MRPL48: variants seen among roughly 807,000 people sequenced by gnomAD.
MRPL48 encodes the protein mitochondrial ribosomal protein L48.
Under a neutral mutation model 32.9 loss-of-function variants are expected in MRPL48, and 16 were observed. The ratio of observed to expected loss-of-function variants is 0.49; its 90% CI spans 0.33 to 0.74. The LOEUF (loss-of-function observed/expected upper bound fraction) is 0.74. Among genes scored for constraint, MRPL48 ranks in the 30% least tolerant of loss-of-function variants. The probability of loss-of-function intolerance (pLI) is 0.02; values close to 1 mark genes in which losing one functional copy is unlikely to be tolerated. For missense variants in MRPL48, 206 were observed against 245.3 expected (o/e 0.84, Z 1.07); for synonymous variants, 94 against 89.2 (o/e 1.05, Z -0.31).
chr11:73,819,266 A>G (rs930940698), intron 3 of MRPL48, among the ~76,000 whole-genome samples: 4 of 152,212 alleles, frequency 2.6e-5, no homozygotes, highest in African/African-American at 4.8e-5. Context: ...GAATTTTAAA[A>G]TGCCTCCTTG....
In MRPL48 at chr11:73,864,608, T is replaced by C. The variant is rs1948638852; in HGVS notation, c.*238T>C. The stretch of plus-strand genomic sequence containing the variant: ...TAAAAATCTGCTGCAGATGTGTATA[T>C]GTATGTGTGTGTGAGAGAGAGAAAT... On this transcript the variant is annotated 3_prime_UTR_variant, in exon 8 of 8. Transcript: ENST00000310614. The C allele has an allele frequency of 3.7e-6, 2 of 534,980 alleles. No individual in the cohort carries two copies. 33.1% of individuals were successfully genotyped at this position (534,980 alleles called of 1,614,324 possible). A position where few individuals can be genotyped will look rare whatever the true frequency, so the allele number is the denominator to read the frequency against.
chr11:73,855,001 C>T (rs1340140279), intron 5 of MRPL48, among the ~76,000 whole-genome samples: 2 of 152,068 alleles, frequency 1.3e-5, no homozygotes, highest in Non-Finnish European at 2.9e-5. Context: ...ACTAAAAGCA[C>T]CTACCTTAAA....
At chr11:73,792,289 A>C (rs909065143) in intron 1 of MRPL48, among the ~76,000 whole-genome samples, 1 of 152,218 alleles carries the variant, frequency 6.6e-6, no homozygotes, top group Non-Finnish European at 1.5e-5. Flanking sequence ...TATTTTGCAC[A>C]GAAAATGAAT....
intron 1 of MRPL48, among the ~76,000 whole-genome samples, 194 bp downstream of exon 1, chr11:73,788,186 C>T (rs946395739): frequency 1.2e-4 from 18 of 152,046 alleles, no homozygotes; most frequent in African/African-American, 4.3e-4. Context: ...TCCTTTCCAC[C>T]CGGGGCGAAC....
intron 1 of MRPL48, among the ~76,000 whole-genome samples, chr11:73,791,399 T>C (rs988310177): frequency 2.6e-5 from 4 of 152,100 alleles, no homozygotes; most frequent in African/African-American, 9.7e-5. Context: ...TTTGTGGGTA[T>C]GCAACTATAT....
chr11:73,822,310 T>G (rs1225260709), intron 3 of MRPL48, among the ~76,000 whole-genome samples: 1 of 152,134 alleles, frequency 6.6e-6, no homozygotes, highest in Non-Finnish European at 1.5e-5. Flanking sequence ...AAAGGCAGAG[T>G]TAGTTTTTTC....
At chr11:73,817,437 C>T (rs980878774) in intron 3 of MRPL48, among the ~76,000 whole-genome samples, 5 of 152,286 alleles carry the variant, frequency 3.3e-5, no homozygotes, top group East Asian at 3.9e-4. Context: ...CTAAATTGAT[C>T]TCCAGAAAGA....
intron 3 of MRPL48, among the ~76,000 whole-genome samples, chr11:73,813,297 G>A (rs1947601778): frequency 6.6e-6 from 1 of 151,498 alleles, no homozygotes; most frequent in Non-Finnish European, 1.5e-5. Flanking sequence ...TCGGCCTCCT[G>A]AGTAGTTGGG....
intron 4 of MRPL48, among the ~76,000 whole-genome samples, chr11:73,841,593 CTA>C (rs1447738406): frequency 5.3e-5 from 8 of 152,094 alleles, no homozygotes; most frequent in Non-Finnish European, 1.2e-4. Context: ...CAAAATAACT[CTA>C]TGGTTTCATA....
Position 73,801,208 on chromosome 11 carries a change from C to A in MRPL48, c.22-3819C>A, listed in dbSNP as rs7932646. On this transcript the variant is annotated intron_variant, in intron 1 of 7. Coordinates refer to ENST00000310614, the MANE Select transcript of MRPL48 (RefSeq NM_016055.6). Reference sequence around the variant, plus strand: ...AACAATTAAAATGAGAAAGCAGTCTCATTTTGATCTTTTTTTCCCATCCAG... The same window carrying A: ...AACAATTAAAATGAGAAAGCAGTCTAATTTTGATCTTTTTTTCCCATCCAG... Among the ~76,000 whole-genome samples, 1,009 of 152,278 alleles carry A rather than the reference C, an allele frequency of 6.6e-3. 13 individuals carry two copies. Among genetic ancestry groups the A allele is most frequent in the African/African-American group, 0.023 (968 of 41,566 alleles).
At chr11:73,809,086 T>C (rs572971252) in intron 3 of MRPL48, among the ~76,000 whole-genome samples, 3 of 152,004 alleles carry the variant, frequency 2.0e-5, no homozygotes, top group Admixed American at 6.6e-5. Flanking sequence ...CAGTGAGCTA[T>C]GACTGTGCCA....
chr11:73,827,440 G>A (rs1419550980), intron 4 of MRPL48, among the ~76,000 whole-genome samples: 1 of 152,106 alleles, frequency 6.6e-6, no homozygotes, highest in Non-Finnish European at 1.5e-5. Flanking sequence ...ACAGGTAAGT[G>A]GATATTAGTT....
chr11:73,812,647 C>T (rs1037638949), intron 3 of MRPL48, among the ~76,000 whole-genome samples: 16 of 151,136 alleles, frequency 1.1e-4, no homozygotes, highest in Non-Finnish European at 1.5e-4. Context: ...GAGGCTGTAC[C>T]GCACTTTGAT....
At chr11:73,823,106 GTAA>G (rs1198927833) in intron 3 of MRPL48, 2 of 346,626 alleles carry the variant, frequency 5.8e-6, no homozygotes, top group Non-Finnish European at 1.1e-5. Flanking sequence ...ATATTACAAT[GTAA>G]TAATAATATA....
intron 1 of MRPL48, among the ~76,000 whole-genome samples, chr11:73,788,850 C>CCTGGGCTTTCTCCCGTTCCCTT (rs1947098188): frequency 6.6e-6 from 1 of 152,196 alleles, no homozygotes; most frequent in South Asian, 2.1e-4. Flanking sequence ...TAAATGTGTT[C>CCTGGGCTTTCTCCCGTTCCCTT]CTGGGCTTTC....
chr11:73,828,354 A>G (rs1947937953), intron 4 of MRPL48, among the ~76,000 whole-genome samples: 2 of 151,534 alleles, frequency 1.3e-5, no homozygotes, highest in South Asian at 4.2e-4. Flanking sequence ...CCTCCTGAGC[A>G]GCTGGGACTA....
At chr11:73,805,144 A>T in intron 2 of MRPL48, 65 bp downstream of exon 2, 8 of 1,369,092 alleles carry the variant, frequency 5.8e-6, no homozygotes, top group Non-Finnish European at 8.1e-6. Context: ...TAGTTCACAC[A>T]GCATTTTTTC....
At chr11:73,851,112 A>G in intron 5 of MRPL48, 1 of 481,720 alleles carries the variant, frequency 2.1e-6, no homozygotes, top group South Asian at 1.6e-5. Flanking sequence ...TTTAATTTAT[A>G]TACTATTTTC....
rs146737569 is a variant in MRPL48, at chr11:73,864,884, C to T, written c.*514C>T. 700 of 153,484 alleles carry T rather than the reference C, an allele frequency of 4.6e-3. 4 individuals are homozygous for T. The highest frequency in any genetic ancestry group is 0.016 in the African/African-American group (668 of 41,528). 9.5% of individuals were successfully genotyped at this position (153,484 alleles called of 1,614,324 possible). On this transcript the variant is annotated 3_prime_UTR_variant, in exon 8 of 8. Coordinates refer to ENST00000310614, the MANE Select transcript of MRPL48 (RefSeq NM_016055.6). ...TAGACTCACTGCAAGCTCTGCCTCC[C>T]GGGTTCACACCATTCTCCTGCCTCA...
Sources: allele counts gnomAD v4.1 joint callset (sites outside exome capture counted in the v4.1 genomes callset), GRCh38; gene constraint gnomAD v4.1.1; transcripts MANE v1.5; gene names NCBI Gene and HGNC (gene_info 2026-07-23, HGNC 2026-07-21).